Variants in TTN observed in about 807,000 individuals in gnomAD.
TTN encodes the protein connectin.
TTN carries 1,525 observed loss-of-function variants against 3,223.0 expected under a neutral mutation model. The ratio of observed to expected loss-of-function variants is 0.47; its 90% CI spans 0.45 to 0.49. The LOEUF (loss-of-function observed/expected upper bound fraction) is 0.49, where lower values mean the gene tolerates loss of function less well. Among genes scored for constraint, TTN ranks in the 20% least tolerant of loss-of-function variants. TTN has a pLI of 0.00. For synonymous variants in TTN, 14,094 were observed against 15,161.0 expected (o/e 0.93, Z 5.17); for missense variants, 40,786 against 43,424.0 (o/e 0.94, Z 5.40).
intron 13 of TTN, among the ~76,000 whole-genome samples, chr2:178,788,136 A>T (rs933773216): frequency 1.3e-5 from 2 of 152,092 alleles, no homozygotes; most frequent in Non-Finnish European, 2.9e-5. Context: ...AGAGTTGATG[A>T]TGAAATGGGA....
chr2:178,634,686 A>C lies in TTN; in HGVS notation c.42151+37T>G. The C allele has an allele frequency of 6.2e-7, 1 of 1,611,680 alleles. No homozygotes were observed. Among genetic ancestry groups the C allele is most frequent in the Non-Finnish European group, 8.5e-7 (1 of 1,179,088 alleles). On this transcript the variant is annotated intron_variant, in intron 229 of 362. Coordinates refer to ENST00000589042, the MANE Select transcript of TTN (RefSeq NM_001267550.2). This position sits in a 1 kb window ranked among gnomAD's most constrained non-coding sequence, Gnocchi z 4.6. ...CAGAATGCACAGGGAAGTGAAATAA[A>C]GTTGAGACCCCTCCCCAAATTCTAA...
rs780995546 is a variant in TTN, at chr2:178,572,976, T to C, written c.73156A>G (p.Ile24386Val). ...TCCTGATTCTCTGTGAGGCCAGTGA[T>C]AGTATACGAAGTTGCCTTGAGTCCT... ...PAGLKATSYT[I>V]TGLTENQEYK... is the part of the protein sequence containing the mutation. The change falls in exon 326 of 363, where the codon ATC (isoleucine) becomes GTC (valine). Residue 24386 changes from isoleucine (I) to valine (V), a missense_variant. Ile to Val is a conservative substitution (Grantham distance 29). Coordinates refer to ENST00000589042, the MANE Select transcript of TTN (RefSeq NM_001267550.2). 6.8e-6 allele frequency: 11 copies of C among 1,613,090 alleles called. No homozygotes were observed. The Admixed American group carries it at 1.7e-4, about 24-fold the overall frequency.
chr2:178,539,037 A>G lies in TTN; in HGVS notation c.98898T>C (p.Ala32966=), dbSNP rs2154139561. 1.9e-6 allele frequency: 3 copies of G among 1,613,790 alleles called. No homozygotes were observed. The highest frequency in any genetic ancestry group is 2.5e-6 in the Non-Finnish European group (3 of 1,179,742). The stretch of plus-strand genomic sequence containing the variant: ...GTGCGATGATGCGGAACTGATACTC[A>G]GCATCGGGAACAAGCCCTGTGACAG... The part of the protein sequence containing the change: ...MYTVTGLVPD[A]EYQFRIIAQN... The change falls in exon 353 of 363, where the codon GCT becomes GCC. Residue 32966 remains alanine, a synonymous_variant. Transcript: ENST00000589042.
intron 98 of TTN, 115 bp from the exon 99 acceptor site, chr2:178,709,971 A>G (rs2076420884): frequency 2.0e-6 from 2 of 985,822 alleles, no homozygotes; most frequent in Admixed American, 5.5e-5. Context: ...CTAACCAACT[A>G]AATACACTAT....
chr2:178,644,570 T>C lies in TTN; in HGVS notation c.40455A>G (p.Lys13485=). 1 of 1,587,316 alleles carries C rather than the reference T, an allele frequency of 6.3e-7. No homozygotes were observed. The highest frequency in any genetic ancestry group is 1.2e-5 in the South Asian group (1 of 85,204). The change falls in exon 218 of 363, where the codon AAA becomes AAG. Residue 13485 remains lysine (K), a synonymous_variant. Coordinates refer to ENST00000589042, the MANE Select transcript of TTN (RefSeq NM_001267550.2). ...KVPEKPQVPE[K]VELTPLKVPG... ...TACCTTTCAGAGGTGTAAGCTCCAC[T>C]TTTTCTGGAACCTGAGGTTTTTCAG...
At position 178,667,625 on chromosome 2, in the gene TTN, T is replaced by A. The variant is rs1476613030; in HGVS notation, c.35629+13A>T. ...ATAATTTTTCTTCAGAGTGGATCAT[T>A]GGTGTTATATACCTTTTGCTAGTTT... is the stretch of plus-strand genomic sequence containing the variant. On this transcript the variant is annotated intron_variant, in intron 160 of 362. Coordinates refer to ENST00000589042, the MANE Select transcript of TTN (RefSeq NM_001267550.2). The A allele has an allele frequency of 6.3e-7, 1 of 1,590,906 alleles. No homozygotes were observed. The highest frequency in any genetic ancestry group is 2.2e-5 in the East Asian group (1 of 44,770).
chr2:178,787,026 A>G (rs1277234740), intron 13 of TTN, among the ~76,000 whole-genome samples: 3 of 152,178 alleles, frequency 2.0e-5, no homozygotes, highest in Non-Finnish European at 4.4e-5. Flanking sequence ...ATACTTGGAA[A>G]CAGCATACCT....
chr2:178,585,138 A>G lies in TTN; in HGVS notation c.64606T>C (p.Tyr21536His), dbSNP rs1487784985. The G allele has an allele frequency of 2.5e-6, 4 of 1,613,236 alleles. No homozygotes were observed. Among genetic ancestry groups the G allele is most frequent in the Non-Finnish European group, 2.5e-6 (3 of 1,179,492 alleles). ...IKDVTRKDSG[Y>H]YSLTAENSSG... ...CTGTTCTCTGCTGTGAGGCTGTAGTAACCACTGTCTTTCCTAGTCACATCT... is the reference window on the plus strand; with the variant it reads ...CTGTTCTCTGCTGTGAGGCTGTAGTGACCACTGTCTTTCCTAGTCACATCT... The change falls in exon 309 of 363, where the codon TAC (tyrosine) becomes CAC (histidine). Residue 21536 changes from tyrosine to histidine, a missense_variant. Transcript: ENST00000589042.
chr2:178,608,721 A>G lies in TTN; in HGVS notation c.52290T>C (p.Tyr17430=), dbSNP rs990974705. The change falls in exon 274 of 363, where the codon TAT becomes TAC. Residue 17430 remains tyrosine, a synonymous_variant. Coordinates refer to ENST00000589042, the MANE Select transcript of TTN (RefSeq NM_001267550.2). ...TTCCTTCAATCAGTTTTGTTACTGA[A>G]TATTTGCAATGTCTAAGTGTTGAAG... ...VVTSTLRHCK[Y]SVTKLIEGKE... is the part of the protein sequence containing the mutation. The G allele has an allele frequency of 1.2e-6, 2 of 1,612,580 alleles. No individual in the cohort carries two copies. The highest frequency in any genetic ancestry group is 1.7e-5 in the Admixed American group (1 of 59,914).
rs185863973 is a variant in TTN, at chr2:178,758,444, A to G, written c.10304-528T>C. 1.7e-4 allele frequency among the ~76,000 whole-genome samples: 26 copies of G among 152,334 alleles called. No homozygotes were observed. In the East Asian group the frequency reaches 4.4e-3, roughly 26 times the overall value. On this transcript the variant is annotated intron_variant, in intron 44 of 362. Transcript: ENST00000589042. ...TACTGAGGAAGTGTTTCTGATTACA[A>G]TTTAAGAGCCCCAACTAACAGAAAT...
At chr2:178,647,534 A>C in intron 213 of TTN, 70 bp from the exon 214 acceptor site, 1 of 1,446,418 alleles carries the variant, frequency 6.9e-7, no homozygotes, top group Non-Finnish European at 9.5e-7. Flanking sequence ...AGAGCAGGCA[A>C]AGAATGCAGG....
chr2:178,703,234 C>T (rs1412096359), intron 106 of TTN, among the ~76,000 whole-genome samples: 3 of 152,094 alleles, frequency 2.0e-5, no homozygotes, highest in Admixed American at 2.0e-4. Flanking sequence ...GGAGTGCTTT[C>T]TAGAAGAGGC....
chr2:178,665,935 T>G (rs2065854716), intron 163 of TTN, 144 bp from the exon 164 acceptor site: 1 of 404,316 alleles, frequency 2.5e-6, no homozygotes, highest in African/African-American at 2.1e-5. Context: ...GCAGTGTGAG[T>G]ATTTGGTTAT....
At position 178,552,663 on chromosome 2, in the gene TTN, G is replaced by A. The variant is rs756663688; in HGVS notation, c.90237C>T (p.His30079=). The A allele has an allele frequency of 3.5e-5, 57 of 1,613,814 alleles. No individual in the cohort carries two copies. The Middle Eastern group carries it at 1.2e-3, about 33-fold the overall frequency. Residue 30079 remains histidine, a synonymous_variant, in exon 335 of 363, where the codon CAC becomes CAT. Coordinates refer to ENST00000589042, the MANE Select transcript of TTN (RefSeq NM_001267550.2). ...TTTCACATGTCTTACTTATGCCAGC[G>A]TGGGACCACGTCTGTTCACCTTTAC... The part of the protein sequence containing the change: ...RKGKGEQTWS[H]AGISKTCEIE...
chr2:178,664,507 T>C lies in TTN; in HGVS notation c.36233A>G (p.Glu12078Gly), dbSNP rs1364638841. ...VPEALREVVPEKKVHPPQRAE... is the reference protein window; with the variant it reads ...VPEALREVVPGKKVHPPQRAE... ...CCTTTGGGGAGGATGCACTTTCTTT[T>C]CCGGGACAACTTCTCTGAGAGCCTC... The change falls in exon 168 of 363, where the codon GAA becomes GGA. Residue 12078 changes from glutamate to glycine, a missense_variant. By Grantham distance (98) the Glu-to-Gly change is moderately conservative. Transcript: ENST00000589042. The C allele has an allele frequency of 8.7e-6, 14 of 1,612,276 alleles. No individual in the cohort carries two copies. The highest frequency in any genetic ancestry group is 1.2e-5 in the Non-Finnish European group (14 of 1,179,556).
At position 178,600,975 on chromosome 2, in the gene TTN, T is replaced by C. The variant is rs151335428; in HGVS notation, c.55929A>G (p.Gln18643=). The change falls in exon 288 of 363, where the codon CAA becomes CAG. Residue 18643 remains glutamine (Q), a synonymous_variant. Coordinates refer to ENST00000589042, the MANE Select transcript of TTN (RefSeq NM_001267550.2). The stretch of plus-strand genomic sequence containing the variant: ...CCTCTACTAGGTCTTCAACAGTAAA[T>C]TGCAGTTCTTCCACATCACGCTTAT... ...QCNKRDVEEL[Q]FTVEDLVEGG... 1.3e-4 allele frequency: 209 copies of C among 1,613,020 alleles called. No individual in the cohort carries two copies. The African/African-American group carries it at 2.4e-3, about 19-fold the overall frequency.
intron 257 of TTN, among the ~76,000 whole-genome samples, chr2:178,616,186 T>C (rs2057302840): frequency 6.6e-6 from 1 of 151,886 alleles, no homozygotes; most frequent in African/African-American, 2.4e-5. Context: ...TTTCCACTTC[T>C]AGCTTAATGG....
chr2:178,575,912 C>T lies in TTN; in HGVS notation c.70220G>A (p.Arg23407Lys), dbSNP rs1417805989. 1.2e-6 allele frequency: 2 copies of T among 1,613,554 alleles called. No individual in the cohort carries two copies. The highest frequency in any genetic ancestry group is 3.3e-5 in the Admixed American group (2 of 59,992). ...CATGACAAATTTACCGGTATCATATCTGTTACATTCTGGGATAATCAGAAG... is the reference window on the plus strand; with the variant it reads ...CATGACAAATTTACCGGTATCATATTTGTTACATTCTGGGATAATCAGAAG... ...FTLLIIPECN[R>K]YDTGKFVMTI... The change falls in exon 326 of 363, where the codon AGA becomes AAA. Residue 23407 changes from arginine (R) to lysine (K), a missense_variant. Coordinates refer to ENST00000589042, the MANE Select transcript of TTN (RefSeq NM_001267550.2). This position sits in a 1 kb window ranked among gnomAD's most constrained non-coding sequence, Gnocchi z 4.0.
rs200935937 is a variant in TTN, at chr2:178,750,444, G to A, written c.11311+2680C>T. 16 of 1,612,464 alleles carry A rather than the reference G, an allele frequency of 9.9e-6. No homozygotes were observed. The highest frequency in any genetic ancestry group is 4.4e-5 in the South Asian group (4 of 91,044). On this transcript the variant is annotated intron_variant, in intron 47 of 362. Transcript: ENST00000589042. Reference sequence around the variant, plus strand: ...GAATGAATGATAAAGTTTTGATTACGTGGGATTGGCATGTCATTGTTATAC... The same window carrying A: ...GAATGAATGATAAAGTTTTGATTACATGGGATTGGCATGTCATTGTTATAC...
Sources: allele counts gnomAD v4.1 joint callset (sites outside exome capture counted in the v4.1 genomes callset), GRCh38; gene constraint gnomAD v4.1.1; non-coding constraint Gnocchi (gnomAD v3.1); transcripts MANE v1.5; gene names NCBI Gene and HGNC (gene_info 2026-07-23, HGNC 2026-07-21).